The following PHEX variants were observed in gnomAD, a reference collection of about 807,000 sequenced individuals.
PHEX encodes phosphate-regulating neutral endopeptidase PHEX.
In PHEX, 16 loss-of-function variants were observed where a neutral mutation model predicts 68.0. The ratio of observed to expected loss-of-function variants is 0.24; its 90% CI spans 0.16 to 0.36. PHEX has a LOEUF of 0.36. Ranked by LOEUF, PHEX falls within the 10% of genes least tolerant of loss-of-function variation. PHEX has a pLI of 1.00. For synonymous variants in PHEX, 208 were observed against 205.1 expected (o/e 1.01, Z -0.12); for missense variants, 480 against 575.5 (o/e 0.83, Z 1.70).
chrX:22,199,832 C>T (rs1318941680), intron 15 of PHEX, among the ~76,000 whole-genome samples: 1 of 112,047 alleles, frequency 8.9e-6, no homozygotes, highest in Non-Finnish European at 1.9e-5. Flanking sequence ...AAGAACGAAT[C>T]TTCTATACAT....
At chrX:22,129,037 T>C (rs930462820) in intron 11 of PHEX, among the ~76,000 whole-genome samples, 2 of 111,594 alleles carry the variant, frequency 1.8e-5, no homozygotes, top group African/African-American at 3.3e-5. Flanking sequence ...ATAAAAGTTA[T>C]GTGAATGTGG....
intron 6 of PHEX, among the ~76,000 whole-genome samples, chrX:22,091,804 G>A (rs746903140): frequency 8.9e-6 from 1 of 112,172 alleles, no homozygotes; most frequent in African/African-American, 3.2e-5. Flanking sequence ...TGGACTCACA[G>A]TTCCATGTGG....
intron 3 of PHEX, 132 bp from the exon 4 acceptor site, chrX:22,076,256 A>G (rs1395346708): frequency 2.0e-5 from 10 of 510,345 alleles, no homozygotes; most frequent in Non-Finnish European, 3.5e-5. Flanking sequence ...TATCTTTGAT[A>G]GATTTGTCTT....
chrX:22,153,363 A>G (rs1337024777), intron 12 of PHEX, among the ~76,000 whole-genome samples: 1 of 112,168 alleles, frequency 8.9e-6, no homozygotes, highest in Non-Finnish European at 1.9e-5. Context: ...AAAACATGGT[A>G]GACATAATTC....
At chrX:22,037,699 G>A (rs1008622155) in intron 1 of PHEX, among the ~76,000 whole-genome samples, 5 of 111,094 alleles carry the variant, frequency 4.5e-5, no homozygotes, top group Non-Finnish European at 5.7e-5. Flanking sequence ...CAAATGTCTG[G>A]TAGCTAAGCT....
chrX:22,053,228 T>C (rs1490178347), intron 3 of PHEX, among the ~76,000 whole-genome samples: 1 of 112,155 alleles, frequency 8.9e-6, no homozygotes, highest in Non-Finnish European at 1.9e-5. Flanking sequence ...TGTCAAGATA[T>C]TTTTGCTCAC....
At chrX:22,158,896 C>T (rs1348655463) in intron 12 of PHEX, among the ~76,000 whole-genome samples, 1 of 111,909 alleles carries the variant, frequency 8.9e-6, no homozygotes, top group Admixed American at 9.5e-5. Flanking sequence ...TTTCTGAGTT[C>T]ATTTGTGATA....
rs1019506331 is a variant in PHEX, at chrX:22,178,188, T to C, written c.1483-85T>C. 5.3e-6 allele frequency: 3 copies of C among 561,341 alleles called. No individual in the cohort carries two copies. The Admixed American group carries it at 7.3e-5, about 14-fold the overall frequency. The allele number at this position is 561,341 out of a possible 1,213,427, so 46.3% of individuals were successfully genotyped here. A position where few individuals can be genotyped will look rare whatever the true frequency, so the allele number is the denominator to read the frequency against. On this transcript the variant is annotated intron_variant, in intron 13 of 21. Coordinates refer to ENST00000379374, the MANE Select transcript of PHEX (RefSeq NM_000444.6). ...GTGACTGATGCAGCTTCTCTGCTAG[T>C]TGCTCCTTCCTATGCTGAAGTATTT...
At chrX:22,107,851 G>A (rs1231524062) in intron 9 of PHEX, among the ~76,000 whole-genome samples, 1 of 111,948 alleles carries the variant, frequency 8.9e-6, no homozygotes, top group Non-Finnish European at 1.9e-5. Flanking sequence ...CCCCAGCACA[G>A]AGAACTGTTA....
intron 11 of PHEX, 22 bp downstream of exon 11, chrX:22,114,608 G>C: frequency 8.4e-7 from 1 of 1,191,095 alleles, no homozygotes; most frequent in Non-Finnish European, 1.1e-6. Flanking sequence ...TCCCCAGCTA[G>C]CAAAAAATAA....
intron 8 of PHEX, among the ~76,000 whole-genome samples, chrX:22,097,436 C>T (rs1370600082): frequency 8.9e-6 from 1 of 112,102 alleles, no homozygotes; most frequent in African/African-American, 3.2e-5. Context: ...ATCACAGCTC[C>T]ATATATCACA....
At chrX:22,214,532 G>T (rs952976538) in intron 16 of PHEX, among the ~76,000 whole-genome samples, 7 of 112,128 alleles carry the variant, frequency 6.2e-5, no homozygotes, top group African/African-American at 2.3e-4. Context: ...GCTCAGTCTT[G>T]CTGGGGAACT....
At chrX:22,033,174 C>G (rs1449015859) in intron 1 of PHEX, 51 bp downstream of exon 1, 1 of 920,330 alleles carries the variant, frequency 1.1e-6, no homozygotes. Context: ...CGAGAAGTTT[C>G]CTTGTGCTTT....
rs752600726 is a variant in PHEX, at chrX:22,121,023, A to C, written c.1302+6437A>C. ...TTTCATTGTAGACACTATGTCCCCA[A>C]ACTGCTTATCTTTATTCATATATCT... is the stretch of plus-strand genomic sequence containing the variant. On this transcript the variant is annotated intron_variant, in intron 11 of 21. Transcript: ENST00000379374. Among the ~76,000 whole-genome samples, 11 of 111,994 alleles carry C rather than the reference A, an allele frequency of 9.8e-5. 1 individual carries two copies. Among genetic ancestry groups the C allele is most frequent in the Non-Finnish European group, 1.7e-4 (9 of 53,223 alleles).
At chrX:22,226,532 G>A (rs766424322) in intron 19 of PHEX, 24 bp downstream of exon 19, 2 of 1,159,833 alleles carry the variant, frequency 1.7e-6, no homozygotes, top group Non-Finnish European at 1.2e-6. Context: ...CATTTACCGT[G>A]GTTCTAAAAA....
At chrX:22,117,132 C>T (rs1240279054) in intron 11 of PHEX, among the ~76,000 whole-genome samples, 2 of 112,236 alleles carry the variant, frequency 1.8e-5, no homozygotes, top group Non-Finnish European at 3.8e-5. Context: ...TGTCTTTCGA[C>T]GATTGCACAC....
At position 22,239,375 on chromosome X, in the gene PHEX, G is replaced by A. The variant is rs147001170; in HGVS notation, c.2071-5958G>A. Among the ~76,000 whole-genome samples the A allele has an allele frequency of 0.013, 1,436 of 110,925 alleles. 51 individuals are homozygous for A. In the East Asian group the frequency reaches 0.19, roughly 15 times the overall value. ...CGCCAGCAAGGGAACAAAACTGGAC[G>A]GAGAAAGAATGATTTTGATGAATTG... On this transcript the variant is annotated intron_variant, in intron 20 of 21. Coordinates refer to ENST00000379374, the MANE Select transcript of PHEX (RefSeq NM_000444.6).
chrX:22,221,502 G>A, intron 17 of PHEX, 111 bp from the exon 18 acceptor site: 1 of 628,769 alleles, frequency 1.6e-6, no homozygotes, highest in Non-Finnish European at 2.6e-6. Flanking sequence ...CAGGAAGAGT[G>A]TTCCCTGCTG....
chrX:22,187,156 G>T (rs1934057232), intron 14 of PHEX, among the ~76,000 whole-genome samples: 1 of 111,874 alleles, frequency 8.9e-6, no homozygotes, highest in Admixed American at 9.5e-5. Flanking sequence ...AGGGTAGCTT[G>T]GTTGTTTTCT....
Sources: allele counts gnomAD v4.1 joint callset (sites outside exome capture counted in the v4.1 genomes callset), GRCh38; gene constraint gnomAD v4.1.1; transcripts MANE v1.5; gene names NCBI Gene and HGNC (gene_info 2026-07-23, HGNC 2026-07-21).